Variants in ATXN2L observed in about 807,000 individuals in gnomAD.
ATXN2L encodes ataxin 2 like.
In ATXN2L, 24 loss-of-function variants were observed where a neutral mutation model predicts 120.7. That is an observed-to-expected ratio of 0.20 (90% CI 0.14 to 0.28). The LOEUF (loss-of-function observed/expected upper bound fraction) is 0.28, where lower values mean the gene tolerates loss of function less well. Among genes scored for constraint, ATXN2L ranks in the 10% least tolerant of loss-of-function variants. ATXN2L has a pLI of 1.00. For missense variants in ATXN2L, 1,312 were observed against 1,432.3 expected (o/e 0.92, Z 1.36); for synonymous variants, 653 against 568.1 (o/e 1.15, Z -2.13).
In ATXN2L at chr16:28,836,391, T is replaced by C; in HGVS notation, c.*126T>C. ...GCTTGCTCCTGGCTCTGTCCTTTGC[T>C]TCCCTCCGTCCTCGCTCAGTTGTGA... is the stretch of plus-strand genomic sequence containing the variant. On this transcript the variant is annotated 3_prime_UTR_variant, in exon 22 of 22. Transcript: ENST00000336783. The C allele has an allele frequency of 6.2e-7, 1 of 1,613,210 alleles. No homozygotes were observed. Among genetic ancestry groups the C allele is most frequent in the South Asian group, 1.1e-5 (1 of 91,058 alleles).
In ATXN2L at chr16:28,835,674, C is replaced by T; in HGVS notation, c.2811C>T (p.Ser937=). 6.2e-7 allele frequency: 1 copy of T among 1,614,094 alleles called. No homozygotes were observed. The highest frequency in any genetic ancestry group is 8.5e-7 in the Non-Finnish European group (1 of 1,179,998). Residue 937 remains serine (S), a synonymous_variant, in exon 21 of 22, where the codon AGC becomes AGT. Coordinates refer to ENST00000336783, the MANE Select transcript of ATXN2L (RefSeq NM_007245.4). ...PPGPSAQSPQ[S]SFPQPAAVYA... is the part of the protein sequence containing the mutation. ...GACCTTCTGCCCAGTCCCCTCAGAGCAGCTTCCCCCAGCCAGCCGCTGTGT... is the reference window on the plus strand; with the variant it reads ...GACCTTCTGCCCAGTCCCCTCAGAGTAGCTTCCCCCAGCCAGCCGCTGTGT...
At chr16:28,826,757 T>A in intron 5 of ATXN2L, 105 bp from the exon 6 acceptor site, 3 of 1,373,206 alleles carry the variant, frequency 2.2e-6, no homozygotes, top group Non-Finnish European at 2.9e-6. Flanking sequence ...TCTGGACTTC[T>A]TAAACTTTGT....
intron 9 of ATXN2L, 42 bp from the exon 10 acceptor site, chr16:28,830,920 C>T (rs1325191260): frequency 2.7e-6 from 4 of 1,499,912 alleles, no homozygotes; most frequent in Non-Finnish European, 3.6e-6. Flanking sequence ...TCGTCTGCCT[C>T]CTGACATTTT....
rs766886109 is a variant in ATXN2L, at chr16:28,823,274, G to A, written c.15G>A (p.Gln5=). 2.3e-4 allele frequency: 341 copies of A among 1,495,826 alleles called. 3 individuals carry two copies. In the East Asian group the frequency reaches 8.8e-3, roughly 39 times the overall value. 92.7% of individuals were successfully genotyped at this position (1,495,826 alleles called of 1,614,324 possible). Residue 5 remains glutamine (Q), a synonymous_variant, in exon 1 of 22, where the codon CAG becomes CAA. Coordinates refer to ENST00000336783, the MANE Select transcript of ATXN2L (RefSeq NM_007245.4). ...ACGCTGCCATCATGTTGAAGCCTCA[G>A]CCGCTACAACAGCCCTCCCAGCCCC... is the stretch of plus-strand genomic sequence containing the variant. MLKP[Q]PLQQPSQPQQ... is the part of the protein sequence containing the mutation.
intron 5 of ATXN2L, 92 bp downstream of exon 5, chr16:28,826,482 G>T (rs780226719): frequency 1.4e-6 from 2 of 1,436,040 alleles, no homozygotes; most frequent in South Asian, 1.3e-5. Context: ...GATGTGTTTG[G>T]TTTGTTTTTT....
chr16:28,824,656 T>A lies in ATXN2L; in HGVS notation c.300-710T>A, dbSNP rs188407419. 3 of 1,100,544 alleles carry A rather than the reference T, an allele frequency of 2.7e-6. No individual in the cohort carries two copies. The African/African-American group carries it at 4.9e-5, about 18-fold the overall frequency. The allele number at this position is 1,100,544 out of a possible 1,614,324, so 68.2% of individuals were successfully genotyped here. On this transcript the variant is annotated intron_variant, in intron 1 of 21. Transcript: ENST00000336783. ...GCTGAAAATGATTGTCTTTTCTGTT[T>A]GGGAGGTAATGTACCTGAGCTAGGT...
chr16:28,835,117 C>T lies in ATXN2L; in HGVS notation c.2493C>T (p.Pro831=). The change falls in exon 19 of 22, where the codon CCC becomes CCT. Residue 831 remains proline, a synonymous_variant. Coordinates refer to ENST00000336783, the MANE Select transcript of ATXN2L (RefSeq NM_007245.4). ...NPRMLTSGSH[P]QAIVSSSTPQ... ...GCATGCTGACGTCGGGCAGCCATCC[C>T]CAGGCCATCGTGTCATCCTCTACCC... is the stretch of plus-strand genomic sequence containing the variant. 1 of 1,613,982 alleles carries T rather than the reference C, an allele frequency of 6.2e-7. No individual in the cohort carries two copies. The highest frequency in any genetic ancestry group is 1.1e-5 in the South Asian group (1 of 91,068).
chr16:28,831,703 A>G (rs2054513475), intron 10 of ATXN2L, among the ~76,000 whole-genome samples: 1 of 152,054 alleles, frequency 6.6e-6, no homozygotes, highest in Non-Finnish European at 1.5e-5. Context: ...CCTGGGCAAC[A>G]CGGCAAAACC....
At chr16:28,835,524 C>T (rs770979957) in intron 20 of ATXN2L, 25 bp from the exon 21 acceptor site, 4 of 1,612,298 alleles carry the variant, frequency 2.5e-6, no homozygotes, top group South Asian at 1.1e-5. Context: ...GCCTGTGTGG[C>T]ACTCAACCTT....
In ATXN2L at chr16:28,835,916, T is replaced by G; in HGVS notation, c.2896-17T>G. On this transcript the variant is annotated splice_polypyrimidine_tract_variant and intron_variant, in intron 21 of 21. Transcript: ENST00000336783. Reference sequence around the variant, plus strand: ...AGGATTCTGTGGTCTTCCCGGCTACTTTTTTGTTTTCCACAGGCCCATGTC... The same window carrying G: ...AGGATTCTGTGGTCTTCCCGGCTACGTTTTTGTTTTCCACAGGCCCATGTC... 1 of 1,548,290 alleles carries G rather than the reference T, an allele frequency of 6.5e-7. No individual in the cohort carries two copies. Among genetic ancestry groups the G allele is most frequent in the South Asian group, 1.2e-5 (1 of 80,824 alleles).
At chr16:28,823,706 C>A in intron 1 of ATXN2L, 148 bp downstream of exon 1, 1 of 840,320 alleles carries the variant, frequency 1.2e-6, no homozygotes, top group Non-Finnish European at 1.6e-6. Context: ...CCCTCAGGTC[C>A]GAACAGGTCG....
Position 28,835,307 on chromosome 16 carries a change from G to A in ATXN2L, c.2593G>A (p.Ala865Thr). 6.2e-7 allele frequency: 1 copy of A among 1,613,696 alleles called. No individual in the cohort carries two copies. Among genetic ancestry groups the A allele is most frequent in the East Asian group, 2.2e-5 (1 of 44,872 alleles). ...TGTTCACCAGTCCTACCCACACCAT[G>A]CCACACAGCTCCATGCCCACCAGCC... ...ATVHQSYPHH[A>T]TQLHAHQPQP... Residue 865 changes from alanine (A) to threonine (T), a missense_variant, in exon 20 of 22, where the codon GCC becomes ACC. By Grantham distance (58) the Ala-to-Thr change is moderately conservative. Coordinates refer to ENST00000336783, the MANE Select transcript of ATXN2L (RefSeq NM_007245.4).
At chr16:28,829,798 C>G in intron 7 of ATXN2L, 60 bp from the exon 8 acceptor site, 1 of 1,566,752 alleles carries the variant, frequency 6.4e-7, no homozygotes. Context: ...AATGTTTTTC[C>G]TTTTTTCCTC....
At position 28,829,469 on chromosome 16, in the gene ATXN2L, T is replaced by C. The variant is rs2053551506; in HGVS notation, c.810T>C (p.Tyr270=). The C allele has an allele frequency of 1.2e-6, 2 of 1,609,010 alleles. No homozygotes were observed. Among genetic ancestry groups the C allele is most frequent in the Non-Finnish European group, 1.7e-6 (2 of 1,175,436 alleles). Residue 270 remains tyrosine, a synonymous_variant, in exon 7 of 22, where the codon TAT becomes TAC. Transcript: ENST00000336783. ...AGAACTACGGTGTGAAGACTACCTA[T>C]GATAGCAGTCTTTCTTCTTATACGT... ...NEENYGVKTT[Y]DSSLSSYTVP...
At chr16:28,834,971 C>A in intron 18 of ATXN2L, 87 bp from the exon 19 acceptor site, 1 of 1,510,806 alleles carries the variant, frequency 6.6e-7, no homozygotes. Flanking sequence ...TGAGGAGGCC[C>A]AAGCGGTGCT....
Position 28,830,009 on chromosome 16 carries a change from G to A in ATXN2L, c.985G>A (p.Ala329Thr). The A allele has an allele frequency of 6.2e-7, 1 of 1,614,188 alleles. No individual in the cohort carries two copies. Among genetic ancestry groups the A allele is most frequent in the Non-Finnish European group, 8.5e-7 (1 of 1,180,022 alleles). ...GCGCACTGAAGAGGAGAAGCACAGT[G>A]CAGTCCAGCGGCAGGGCTCAGGGCG... ...DGRTEEEKHS[A>T]VQRQGSGRES... The change falls in exon 8 of 22, where the codon GCA becomes ACA. Residue 329 changes from alanine to threonine, a missense_variant. By Grantham distance (58) the Ala-to-Thr change is moderately conservative. Transcript: ENST00000336783.
chr16:28,833,388 G>T (rs1271778862), intron 14 of ATXN2L, 34 bp downstream of exon 14: 1 of 1,613,902 alleles, frequency 6.2e-7, no homozygotes, highest in African/African-American at 1.3e-5. Context: ...TGGGAGGATG[G>T]CAGGAGGGAT....
At position 28,823,188 on chromosome 16, in the gene ATXN2L, T is replaced by C; in HGVS notation, c.-72T>C. On this transcript the variant is annotated 5_prime_UTR_variant, in exon 1 of 22. Coordinates refer to ENST00000336783, the MANE Select transcript of ATXN2L (RefSeq NM_007245.4). ...CCGATCCCCCTCGCTTCCCGCGCTC[T>C]CCAGCGGGGCCCCAGCCCCGGCCCC... is the stretch of plus-strand genomic sequence containing the variant. 1 of 1,068,608 alleles carries C rather than the reference T, an allele frequency of 9.4e-7. No homozygotes were observed. The highest frequency in any genetic ancestry group is 3.0e-5 in the South Asian group (1 of 33,458). The allele number at this position is 1,068,608 out of a possible 1,614,324, so 66.2% of individuals were successfully genotyped here.
chr16:28,828,160 C>T (rs2052923430), intron 6 of ATXN2L, among the ~76,000 whole-genome samples: 2 of 152,098 alleles, frequency 1.3e-5, no homozygotes, highest in South Asian at 4.1e-4. Context: ...CCTTGCTGGA[C>T]TTTTAGAACA....
Sources: allele counts gnomAD v4.1 joint callset (sites outside exome capture counted in the v4.1 genomes callset), GRCh38; gene constraint gnomAD v4.1.1; transcripts MANE v1.5; gene names NCBI Gene and HGNC (gene_info 2026-07-23, HGNC 2026-07-21).